XRN1: variants seen among roughly 807,000 people sequenced by gnomAD.
XRN1 encodes strand-exchange protein 1 homolog.
A neutral mutation model predicts 222.3 loss-of-function variants in XRN1; 67 were observed. The ratio of observed to expected loss-of-function variants is 0.30; its 90% CI spans 0.25 to 0.37. The LOEUF is 0.37. XRN1 is among the 10% of genes least tolerant of loss of function. The pLI, the probability that XRN1 is intolerant of heterozygous loss-of-function variation, is 1.00. For synonymous variants in XRN1, 643 were observed against 652.4 expected (o/e 0.99, Z 0.22); for missense variants, 1,707 against 2,000.2 (o/e 0.85, Z 2.80).
At chr3:142,330,637 C>G (rs564931370) in intron 36 of XRN1, among the ~76,000 whole-genome samples, 8 of 147,000 alleles carry the variant, frequency 5.4e-5, no homozygotes, top group African/African-American at 1.8e-4. Flanking sequence ...GTAAAACTTA[C>G]TTGTTTTTGA....
intron 37 of XRN1, among the ~76,000 whole-genome samples, chr3:142,323,709 G>A (rs914758960): frequency 1.8e-4 from 27 of 152,208 alleles, no homozygotes; most frequent in African/African-American, 6.5e-4. Flanking sequence ...CGGGCATGGT[G>A]GCATGTGCCT....
intron 32 of XRN1, among the ~76,000 whole-genome samples, chr3:142,351,394 G>A (rs867932685): frequency 6.6e-6 from 1 of 152,162 alleles, no homozygotes; most frequent in South Asian, 2.1e-4. Flanking sequence ...CTGCTGATGG[G>A]TCAATTCAGA....
chr3:142,310,900 T>C lies in XRN1; in HGVS notation c.*611A>G, dbSNP rs2065060396. ...ATTCTAAAGTTGCTTTGGTACAAAATTTAGAATAAAGCAAAACTGGCAGCA... is the reference window on the plus strand; with the variant it reads ...ATTCTAAAGTTGCTTTGGTACAAAACTTAGAATAAAGCAAAACTGGCAGCA... On this transcript the variant is annotated 3_prime_UTR_variant, in exon 41 of 41. Coordinates refer to ENST00000392981, the MANE Select transcript of XRN1 (RefSeq NM_001282857.2). 6.6e-6 allele frequency: 1 copy of C among 152,600 alleles called. No individual in the cohort carries two copies. The highest frequency in any genetic ancestry group is 2.4e-5 in the African/African-American group (1 of 41,450). The allele number at this position is 152,600 out of a possible 1,614,324, so 9.5% of individuals were successfully genotyped here.
At chr3:142,437,930 G>C (rs2069994805) in intron 1 of XRN1, among the ~76,000 whole-genome samples, 1 of 152,138 alleles carries the variant, frequency 6.6e-6, no homozygotes, top group Non-Finnish European at 1.5e-5. Context: ...ATGGCAAATA[G>C]GAACATGACA....
chr3:142,330,961 C>T (rs1211748859), intron 36 of XRN1, among the ~76,000 whole-genome samples: 3 of 152,064 alleles, frequency 2.0e-5, no homozygotes, highest in East Asian at 3.9e-4. Flanking sequence ...TACTTGGTGG[C>T]GCCTGCCACC....
chr3:142,442,993 A>G (rs1230812546), intron 1 of XRN1, among the ~76,000 whole-genome samples: 1 of 152,106 alleles, frequency 6.6e-6, no homozygotes, highest in Non-Finnish European at 1.5e-5. Context: ...TCGGCCTCCC[A>G]AAGTGCTGGG....
At chr3:142,442,743 T>A (rs546922854) in intron 1 of XRN1, among the ~76,000 whole-genome samples, 23 of 152,270 alleles carry the variant, frequency 1.5e-4, no homozygotes, top group African/African-American at 4.8e-4. Context: ...TTATTTTTAT[T>A]TTTATTTTGA....
At chr3:142,367,384 T>C (rs1319110672) in intron 27 of XRN1, among the ~76,000 whole-genome samples, 2 of 92,058 alleles carry the variant, frequency 2.2e-5, no homozygotes, top group African/African-American at 6.8e-5. Flanking sequence ...CGGTGATTTG[T>C]TTGTTACCTG....
rs559163712 is a variant in XRN1 at position 142,311,622 on chromosome 3, A to C, written c.4974T>G (p.Thr1658=). ...AQPASSFQVE[T]ASQGHSISHH... is the part of the protein sequence containing the mutation. ...GAGATATACTATGGCCTTGAGAGGC[A>C]GTTTCAACTTGAAAAGAAGATGCAG... Residue 1658 remains threonine (T), a synonymous_variant, in exon 41 of 41, where the codon ACT becomes ACG. Transcript: ENST00000392981. 13 of 1,614,164 alleles carry C rather than the reference A, an allele frequency of 8.1e-6. No individual in the cohort carries two copies. The African/African-American group carries it at 1.6e-4, about 20-fold the overall frequency.
intron 1 of XRN1, among the ~76,000 whole-genome samples, chr3:142,445,724 T>C (rs996889883): frequency 7.2e-5 from 11 of 152,212 alleles, no homozygotes; most frequent in Non-Finnish European, 1.6e-4. Context: ...CACTCCCTTT[T>C]CCTTAGGGCT....
At chr3:142,442,797 G>A (rs1254164804) in intron 1 of XRN1, among the ~76,000 whole-genome samples, 6 of 152,164 alleles carry the variant, frequency 3.9e-5, no homozygotes, top group East Asian at 1.9e-4. Context: ...GCAGTGGCGC[G>A]ATCTCACCTC....
chr3:142,430,292 G>C (rs1406312592), intron 2 of XRN1, among the ~76,000 whole-genome samples: 1 of 152,066 alleles, frequency 6.6e-6, no homozygotes, highest in Non-Finnish European at 1.5e-5. Flanking sequence ...GTCTGAAATA[G>C]CTAGAGTGCT....
rs144532386 is a variant in XRN1 at position 142,369,580 on chromosome 3, G to A, written c.3204+905C>T. Among the ~76,000 whole-genome samples the A allele has an allele frequency of 5.7e-3, 854 of 151,062 alleles. 8 individuals are homozygous for A. Among genetic ancestry groups the A allele is most frequent in the Non-Finnish European group, 9.0e-3 (607 of 67,808 alleles). On this transcript the variant is annotated intron_variant, in intron 27 of 40. Transcript: ENST00000392981. ...GAAGAATCGCTTGAATCTGGGAGGT[G>A]GAGGTTGCAGTGAGCCGAGATCATG...
chr3:142,423,449 G>C (rs1156880738), intron 6 of XRN1, 111 bp downstream of exon 6: 1 of 765,984 alleles, frequency 1.3e-6, no homozygotes, highest in African/African-American at 1.8e-5. Context: ...TATCAACATA[G>C]TGAAAAGGCA....
At chr3:142,317,156 A>G (rs1364688122) in intron 39 of XRN1, among the ~76,000 whole-genome samples, 1 of 152,216 alleles carries the variant, frequency 6.6e-6, no homozygotes, top group Non-Finnish European at 1.5e-5. Flanking sequence ...TAGTATTCAG[A>G]ATCTGAAGAT....
intron 8 of XRN1, 91 bp from the exon 9 acceptor site, chr3:142,421,634 C>G (rs916640602): frequency 1.1e-6 from 1 of 943,748 alleles, no homozygotes; most frequent in African/African-American, 1.7e-5. Flanking sequence ...GTTGAATGTT[C>G]ATGTTCTACA....
chr3:142,442,162 T>C (rs1052476686), intron 1 of XRN1, among the ~76,000 whole-genome samples: 4 of 152,214 alleles, frequency 2.6e-5, no homozygotes, highest in South Asian at 2.1e-4. Context: ...TAGTCCTCCA[T>C]GCCCATGCAG....
intron 18 of XRN1, among the ~76,000 whole-genome samples, chr3:142,401,900 T>C (rs150531538): frequency 3.3e-5 from 5 of 152,342 alleles, no homozygotes; most frequent in Admixed American, 6.5e-5. Flanking sequence ...ATTTGAGTTT[T>C]TATTATTCTT....
intron 32 of XRN1, among the ~76,000 whole-genome samples, chr3:142,354,948 T>C (rs930286178): frequency 8.5e-5 from 13 of 152,208 alleles, no homozygotes; most frequent in African/African-American, 3.1e-4. Context: ...CTGAAGGCCA[T>C]TATGCTAAGT....
Sources: allele counts gnomAD v4.1 joint callset (sites outside exome capture counted in the v4.1 genomes callset), GRCh38; gene constraint gnomAD v4.1.1; transcripts MANE v1.5; gene names NCBI Gene and HGNC (gene_info 2026-07-23, HGNC 2026-07-21).